The following DLG2 variants were observed in gnomAD, a reference collection of about 807,000 sequenced individuals.
DLG2 encodes disks large homolog 2.
Under a neutral mutation model 132.5 loss-of-function variants are expected in DLG2, and 45 were observed. The observed-to-expected ratio is 0.34, with a 90% CI of 0.27 to 0.44. DLG2 has a LOEUF of 0.44. Among genes scored for constraint, DLG2 ranks in the 20% least tolerant of loss-of-function variants. The pLI, the probability that DLG2 is intolerant of heterozygous loss-of-function variation, is 1.00. For synonymous variants in DLG2, 424 were observed against 419.6 expected (o/e 1.01, Z -0.13); for missense variants, 1,045 against 1,196.9 (o/e 0.87, Z 1.87).
chr11:84,293,238 T>A (rs187427705), intron 7 of DLG2, among the ~76,000 whole-genome samples: 8 of 152,198 alleles, frequency 5.3e-5, no homozygotes, highest in Admixed American at 5.2e-4. Flanking sequence ...AAAAAGCCAG[T>A]TAAAAGGCAG....
chr11:84,288,092 A>AT (rs1177815319), intron 7 of DLG2, among the ~76,000 whole-genome samples: 8 of 152,082 alleles, frequency 5.3e-5, no homozygotes, highest in Non-Finnish European at 1.2e-4. Flanking sequence ...TCACTTCACT[A>AT]AATTGATATC....
chr11:84,581,734 C>G (rs1034290164), intron 6 of DLG2, among the ~76,000 whole-genome samples: 3 of 151,574 alleles, frequency 2.0e-5, no homozygotes, highest in East Asian at 3.9e-4. Flanking sequence ...TGGTGAAAAC[C>G]CATCTGTACT....
chr11:83,974,335 T>A (rs2091878214), intron 12 of DLG2, among the ~76,000 whole-genome samples: 1 of 152,056 alleles, frequency 6.6e-6, no homozygotes, highest in East Asian at 1.9e-4. Flanking sequence ...GAAACTTGCA[T>A]TGTTTCTACT....
chr11:84,996,884 A>G (rs1320353230), intron 6 of DLG2, among the ~76,000 whole-genome samples: 1 of 152,212 alleles, frequency 6.6e-6, no homozygotes, highest in Non-Finnish European at 1.5e-5. Context: ...TGTGACAGAT[A>G]GGACATGTTA....
chr11:84,417,364 T>C (rs2098933410), intron 7 of DLG2, among the ~76,000 whole-genome samples: 1 of 152,220 alleles, frequency 6.6e-6, no homozygotes, highest in Non-Finnish European at 1.5e-5. Context: ...ATGGAAAGTA[T>C]CTAGCATTAT....
chr11:85,199,944 T>A (rs74722261), intron 4 of DLG2, among the ~76,000 whole-genome samples: 1 of 141,742 alleles, frequency 7.1e-6, no homozygotes, highest in African/African-American at 2.7e-5. Context: ...AGGAATTACT[T>A]TTTTTTTTTT....
At chr11:84,947,760 CA>C (rs1249846838) in intron 6 of DLG2, among the ~76,000 whole-genome samples, 1 of 152,172 alleles carries the variant, frequency 6.6e-6, no homozygotes, top group African/African-American at 2.4e-5. Context: ...GCATTATTCT[CA>C]ATTTACCAGG....
intron 6 of DLG2, among the ~76,000 whole-genome samples, chr11:84,892,342 G>A (rs1408588204): frequency 1.3e-5 from 2 of 152,034 alleles, no homozygotes; most frequent in Non-Finnish European, 2.9e-5. Flanking sequence ...TCAGCAAAAT[G>A]TCATTCTTTA....
At chr11:84,485,027 T>C (rs1484523731) in intron 7 of DLG2, among the ~76,000 whole-genome samples, 1 of 152,148 alleles carries the variant, frequency 6.6e-6, no homozygotes, top group African/African-American at 2.4e-5. Flanking sequence ...ATTTAATCCA[T>C]CCTCAATTTA....
Position 85,605,107 on chromosome 11 carries a change from C to A in DLG2, c.-92-6319G>T, listed in dbSNP as rs564745817. ...TGAAATTATTTTACATAAATCTATT[C>A]AACATTTTTACAGTTTAAAAAGAAC... On this transcript the variant is annotated intron_variant, in intron 2 of 27. Coordinates refer to ENST00000376104, the MANE Select transcript of DLG2 (RefSeq NM_001142699.3). Among the ~76,000 whole-genome samples, 27 of 152,224 alleles carry A rather than the reference C, an allele frequency of 1.8e-4. No individual in the cohort carries two copies. In the East Asian group the frequency reaches 5.2e-3, roughly 29 times the overall value.
chr11:84,108,377 A>G (rs987127399), intron 9 of DLG2, among the ~76,000 whole-genome samples: 12 of 152,190 alleles, frequency 7.9e-5, no homozygotes, highest in African/African-American at 2.9e-4. Context: ...AAGGAGATTT[A>G]AAAAACAAAA....
intron 15 of DLG2, among the ~76,000 whole-genome samples, chr11:83,928,157 A>T (rs73508236): frequency 0.14 from 21,687 of 152,018 alleles, 3,898 homozygotes; most frequent in African/African-American, 0.42. Context: ...AGGAGAAAGA[A>T]GGGGACCAAA....
intron 3 of DLG2, among the ~76,000 whole-genome samples, chr11:85,315,719 T>C (rs942264966): frequency 1.3e-5 from 2 of 151,996 alleles, no homozygotes; most frequent in African/African-American, 4.8e-5. Context: ...AAACTGCCTA[T>C]TCTATAGCTG....
intron 6 of DLG2, among the ~76,000 whole-genome samples, chr11:84,801,345 G>T (rs903402689): frequency 6.6e-6 from 1 of 152,086 alleles, no homozygotes; most frequent in Admixed American, 6.5e-5. Flanking sequence ...CGAGGCGGGC[G>T]GATCACGAGG....
At position 84,714,612 on chromosome 11, in the gene DLG2, TC is replaced by T. The variant is rs1196086351; in HGVS notation, c.358-179882del. On this transcript the variant is annotated intron_variant, in intron 6 of 27. Transcript: ENST00000376104. ...CTTTCTCTTTCTTTCTCTTTCTCTTTCTCTTTCTCTTTCTCTCTCTCTCTCT... is the reference window on the plus strand; with the variant it reads ...CTTTCTCTTTCTTTCTCTTTCTCTTTTCTTTCTCTTTCTCTCTCTCTCTCT... 4.7e-4 allele frequency among the ~76,000 whole-genome samples: 49 copies of T among 105,034 alleles called. 1 individual carries two copies. Among genetic ancestry groups the T allele is most frequent in the African/African-American group, 1.8e-3 (44 of 24,794 alleles). 68.9% of individuals were successfully genotyped at this position (105,034 alleles called of 152,430 possible). A position where few individuals can be genotyped will look rare whatever the true frequency, so the allele number is the denominator to read the frequency against.
intron 7 of DLG2, among the ~76,000 whole-genome samples, chr11:84,446,901 T>C (rs1166956275): frequency 6.6e-6 from 1 of 152,198 alleles, no homozygotes; most frequent in Admixed American, 6.5e-5. Flanking sequence ...AGGATCTCAC[T>C]GCTGTGGCCA....
intron 26 of DLG2, among the ~76,000 whole-genome samples, chr11:83,463,540 A>G (rs1003480281): frequency 2.0e-5 from 3 of 152,178 alleles, no homozygotes; most frequent in South Asian, 4.1e-4. Flanking sequence ...TGTAATCCCA[A>G]CACCTTGGGA....
intron 19 of DLG2, among the ~76,000 whole-genome samples, chr11:83,548,378 C>T (rs759897583): frequency 7.2e-5 from 11 of 152,096 alleles, no homozygotes; most frequent in Admixed American, 2.0e-4. Context: ...AGAGATGGAA[C>T]ATGAAAAGGA....
chr11:84,892,168 T>G (rs1432284843), intron 6 of DLG2, among the ~76,000 whole-genome samples: 1 of 152,140 alleles, frequency 6.6e-6, no homozygotes, highest in Non-Finnish European at 1.5e-5. Context: ...AATGATATGT[T>G]GTGACACATG....
Sources: gnomAD v4.1 joint callset for allele counts (sites outside exome capture counted in the v4.1 genomes callset) on GRCh38, gnomAD v4.1.1 for gene constraint, MANE v1.5 for transcripts, NCBI Gene and HGNC (gene_info 2026-07-23, HGNC 2026-07-21) for gene names.